DDX60L: variants seen among roughly 807,000 people sequenced by gnomAD.
DDX60L encodes probable ATP-dependent RNA helicase DDX60-like.
DDX60L carries 191 observed loss-of-function variants against 211.6 expected under a neutral mutation model. That is an observed-to-expected ratio of 0.90 (90% CI 0.80 to 1.02). The LOEUF (loss-of-function observed/expected upper bound fraction) is 1.02, where lower values mean the gene tolerates loss of function less well. Ranked by LOEUF, DDX60L falls within the 50% of genes least tolerant of loss-of-function variation. The probability of loss-of-function intolerance (pLI) is 0.00; values close to 1 mark genes in which losing one functional copy is unlikely to be tolerated. For missense variants in DDX60L, 2,007 were observed against 1,984.1 expected, an observed-to-expected ratio of 1.01 and a Z score of -0.22; for synonymous variants, 706 against 694.1, an observed-to-expected ratio of 1.02 and a Z score of -0.27.
intron 28 of DDX60L, among the ~76,000 whole-genome samples, chr4:168,394,051 T>C (rs1745328988): frequency 6.6e-6 from 1 of 151,976 alleles, no homozygotes; most frequent in African/African-American, 2.4e-5. Context: ...AAAAATTAAC[T>C]GAGCATGATG....
chr4:168,373,424 T>TA (rs758160863), intron 35 of DDX60L, among the ~76,000 whole-genome samples: 24 of 151,772 alleles, frequency 1.6e-4, no homozygotes, highest in Non-Finnish European at 2.1e-4. Flanking sequence ...CAAACCTCAT[T>TA]TAAAAAAATG....
chr4:168,417,784 A>T (rs899944235), intron 19 of DDX60L, among the ~76,000 whole-genome samples: 5 of 152,204 alleles, frequency 3.3e-5, no homozygotes, highest in African/African-American at 4.8e-5. Flanking sequence ...ATTAAGACTT[A>T]GAGAGGAGGT....
intron 10 of DDX60L, among the ~76,000 whole-genome samples, chr4:168,440,499 C>G (rs1450388791): frequency 6.6e-6 from 1 of 152,082 alleles, no homozygotes; most frequent in African/African-American, 2.4e-5. Flanking sequence ...GCAAGTACCC[C>G]CTCCTCAGTT....
chr4:168,463,385 G>A (rs542144929), intron 4 of DDX60L, among the ~76,000 whole-genome samples: 9 of 152,302 alleles, frequency 5.9e-5, no homozygotes, highest in South Asian at 2.1e-4. Context: ...GCTAAATGAT[G>A]AGAACACATG....
intron 37 of DDX60L, 115 bp downstream of exon 37, chr4:168,361,034 T>C (rs907324247): frequency 2.1e-5 from 16 of 764,124 alleles, no homozygotes; most frequent in South Asian, 3.4e-5. Flanking sequence ...GGAGGCTCAA[T>C]AGTATCTTCA....
chr4:168,475,820 T>C (rs893880141), intron 1 of DDX60L, among the ~76,000 whole-genome samples: 6 of 151,760 alleles, frequency 4.0e-5, no homozygotes, highest in Admixed American at 6.6e-5. Context: ...AAGGATAGGG[T>C]CCTTATCGGA....
intron 26 of DDX60L, among the ~76,000 whole-genome samples, chr4:168,398,897 C>A (rs1466140930): frequency 6.6e-6 from 1 of 152,028 alleles, no homozygotes; most frequent in Non-Finnish European, 1.5e-5. Flanking sequence ...GAGTGACCCA[C>A]TCCAGGGTCT....
chr4:168,382,790 A>C (rs11735076), intron 30 of DDX60L, among the ~76,000 whole-genome samples: 15,067 of 152,178 alleles, frequency 0.099, 1,087 homozygotes, highest in Admixed American at 0.14. Flanking sequence ...AGTAAAAATC[A>C]ACATATAAAA....
At chr4:168,368,163 C>T (rs1382400104) in intron 36 of DDX60L, among the ~76,000 whole-genome samples, 1 of 152,238 alleles carries the variant, frequency 6.6e-6, no homozygotes, top group South Asian at 2.1e-4. Flanking sequence ...ATGGCAGACC[C>T]TCCCATCAGA....
intron 25 of DDX60L, among the ~76,000 whole-genome samples, chr4:168,402,812 G>A (rs1365027521): frequency 2.0e-5 from 3 of 152,164 alleles, no homozygotes; most frequent in Non-Finnish European, 4.4e-5. Context: ...CTACAAACCA[G>A]TGGACTCAAC....
chr4:168,459,536 G>A (rs1012634399), intron 5 of DDX60L, among the ~76,000 whole-genome samples: 1 of 152,036 alleles, frequency 6.6e-6, no homozygotes, highest in Non-Finnish European at 1.5e-5. Context: ...TGGATCACCT[G>A]AGGTCAGGAG....
intron 22 of DDX60L, among the ~76,000 whole-genome samples, chr4:168,409,184 G>C (rs573316190): frequency 6.6e-6 from 1 of 152,182 alleles, no homozygotes; most frequent in Non-Finnish European, 1.5e-5. Context: ...CAAAAGTAAA[G>C]TATCACAGAG....
chr4:168,460,174 T>C (rs1400217721), intron 5 of DDX60L, among the ~76,000 whole-genome samples: 1 of 152,186 alleles, frequency 6.6e-6, no homozygotes, highest in African/African-American at 2.4e-5. Context: ...CATTTCAAAA[T>C]GTGAAAACTG....
chr4:168,361,471 G>C, intron 36 of DDX60L: 1 of 280,576 alleles, frequency 3.6e-6, no homozygotes, highest in Non-Finnish European at 6.6e-6. Flanking sequence ...GGTCAATGAG[G>C]ACTACAGATT....
intron 1 of DDX60L, among the ~76,000 whole-genome samples, chr4:168,477,603 G>A (rs573574566): frequency 2.6e-5 from 4 of 152,104 alleles, no homozygotes; most frequent in Non-Finnish European, 5.9e-5. Context: ...GATGTAAAAA[G>A]AGAAGACACA....
At chr4:168,447,891 G>A (rs1385742983) in intron 9 of DDX60L, among the ~76,000 whole-genome samples, 60 of 118,290 alleles carry the variant, frequency 5.1e-4, no homozygotes, top group African/African-American at 1.8e-3. Flanking sequence ...GGTGGGGGGA[G>A]GGGGGAGGGA....
chr4:168,475,251 T>C (rs1008331182), intron 1 of DDX60L, among the ~76,000 whole-genome samples: 2 of 152,190 alleles, frequency 1.3e-5, no homozygotes, highest in African/African-American at 4.8e-5. Context: ...ATAAACTGCT[T>C]AAAAAGCACC....
At chr4:168,435,455 C>G (rs1055298872) in intron 10 of DDX60L, among the ~76,000 whole-genome samples, 2 of 152,168 alleles carry the variant, frequency 1.3e-5, no homozygotes, top group South Asian at 2.1e-4. Flanking sequence ...TGGGCCTATG[C>G]AGAAAGACAG....
chr4:168,395,381 A>G (rs1441628515), intron 27 of DDX60L, among the ~76,000 whole-genome samples: 2 of 152,250 alleles, frequency 1.3e-5, no homozygotes, highest in Non-Finnish European at 2.9e-5. Flanking sequence ...TGAAATGTCT[A>G]TGTGACTGTG....
Sources: gnomAD v4.1 joint callset for allele counts (sites outside exome capture counted in the v4.1 genomes callset) on GRCh38, gnomAD v4.1.1 for gene constraint, MANE v1.5 for transcripts, NCBI Gene and HGNC (gene_info 2026-07-23, HGNC 2026-07-21) for gene names.